TULP4: variants seen among roughly 807,000 people sequenced by gnomAD.
TULP4 encodes the protein tubby-related protein 4.
TULP4 carries 16 observed loss-of-function variants against 129.0 expected under a neutral mutation model. That is an observed-to-expected ratio of 0.12 (90% CI 0.08 to 0.19). The LOEUF (loss-of-function observed/expected upper bound fraction) is 0.19, where lower values mean the gene tolerates loss of function less well. TULP4 is among the 10% of genes least tolerant of loss of function. TULP4 has a pLI of 1.00. For missense variants in TULP4, 1,842 were observed against 2,059.1 expected, an observed-to-expected ratio of 0.89 and a Z score of 2.04; for synonymous variants, 998 against 854.0, an observed-to-expected ratio of 1.17 and a Z score of -2.94.
At chr6:158,248,168 A>G (rs189384738) in intron 1 of TULP4, among the ~76,000 whole-genome samples, 3 of 152,290 alleles carry the variant, frequency 2.0e-5, no homozygotes, top group East Asian at 3.9e-4. Context: ...CTGGCCGTGC[A>G]TGGTGGCTCA....
intron 1 of TULP4, among the ~76,000 whole-genome samples, chr6:158,306,880 T>C (rs1486072257): frequency 6.6e-6 from 1 of 151,998 alleles, no homozygotes; most frequent in African/African-American, 2.4e-5. Flanking sequence ...GTTAACTGGA[T>C]GTGGTGGTGT....
intron 3 of TULP4, among the ~76,000 whole-genome samples, chr6:158,431,635 C>G (rs1477127467): frequency 6.6e-6 from 1 of 152,166 alleles, no homozygotes; most frequent in Non-Finnish European, 1.5e-5. Flanking sequence ...CCAGGAAGGG[C>G]TGGCTGTGAC....
At chr6:158,266,049 A>G (rs1562499403) in intron 1 of TULP4, among the ~76,000 whole-genome samples, 1 of 152,176 alleles carries the variant, frequency 6.6e-6, no homozygotes, top group Non-Finnish European at 1.5e-5. Context: ...AAAAGGGGGA[A>G]AATCACCCCT....
At chr6:158,249,921 G>T (rs1778107152) in intron 1 of TULP4, among the ~76,000 whole-genome samples, 1 of 152,168 alleles carries the variant, frequency 6.6e-6, no homozygotes, top group Non-Finnish European at 1.5e-5. Flanking sequence ...GCATTTTTGT[G>T]CAAGAAATTT....
chr6:158,422,834 G>A (rs1419466901), intron 2 of TULP4, among the ~76,000 whole-genome samples: 7 of 152,222 alleles, frequency 4.6e-5, no homozygotes, highest in Admixed American at 1.3e-4. Flanking sequence ...ATATGCAAAT[G>A]CAGGACGCCA....
Position 158,328,081 on chromosome 6 carries a change from TG to T in TULP4, c.252+13814del, listed in dbSNP as rs1021090622. ...CTGTTGCCAGCATTCTCAGAGCTGG[TG>T]TGTGTGTGTGTGTGTGTGTGTGTGT... On this transcript the variant is annotated intron_variant, in intron 1 of 13. Coordinates refer to ENST00000367097, the MANE Select transcript of TULP4 (RefSeq NM_020245.5). Among the ~76,000 whole-genome samples the T allele has an allele frequency of 5.0e-4, 13 of 26,024 alleles. 1 individual carries two copies. The South Asian group carries it at 0.013, about 27-fold the overall frequency. 17.1% of individuals were successfully genotyped at this position (26,024 alleles called of 152,430 possible). A position where few individuals can be genotyped will look rare whatever the true frequency, so the allele number is the denominator to read the frequency against.
At chr6:158,458,744 AG>A (rs1000617954) in intron 5 of TULP4, among the ~76,000 whole-genome samples, 62 of 152,330 alleles carry the variant, frequency 4.1e-4, no homozygotes, top group African/African-American at 1.3e-3. Flanking sequence ...AAATTGAATG[AG>A]TATTTTCTTT....
At chr6:158,234,496 G>A (rs1777651887) in intron 1 of TULP4, among the ~76,000 whole-genome samples, 1 of 152,212 alleles carries the variant, frequency 6.6e-6, no homozygotes, top group East Asian at 1.9e-4. Context: ...CCATGTGCAT[G>A]GCTAAGCTAG....
intron 1 of TULP4, among the ~76,000 whole-genome samples, chr6:158,375,658 T>C (rs1777166875): frequency 6.6e-6 from 1 of 152,202 alleles, no homozygotes; most frequent in African/African-American, 2.4e-5. Context: ...AGCTTTATCT[T>C]GAGAAGGAGT....
intron 6 of TULP4, among the ~76,000 whole-genome samples, chr6:158,475,980 C>T (rs1054163202): frequency 2.2e-4 from 33 of 152,182 alleles, no homozygotes; most frequent in Admixed American, 1.3e-4. Context: ...AGAAGTCATA[C>T]CCTGCTGCCT....
Position 158,502,451 on chromosome 6 carries a change from A to T in TULP4, c.2788A>T (p.Thr930Ser), listed in dbSNP as rs371114821. 2 of 1,613,034 alleles carry T rather than the reference A, an allele frequency of 1.2e-6. No homozygotes were observed. Among genetic ancestry groups the T allele is most frequent in the Non-Finnish European group, 8.5e-7 (1 of 1,179,750 alleles). Residue 930 changes from threonine (T) to serine (S), a missense_variant, in exon 13 of 14, where the codon ACT becomes TCT. Transcript: ENST00000367097. ...CTCTGCCACCTTGAGGCTCACGGCC[A>T]CTGAGAAGAAGGTCCCTCAGCCCTG... is the stretch of plus-strand genomic sequence containing the variant. ...GSSATLRLTA[T>S]EKKVPQPCSS...
intron 1 of TULP4, among the ~76,000 whole-genome samples, chr6:158,366,066 C>G (rs748786555): frequency 6.6e-6 from 1 of 151,214 alleles, no homozygotes; most frequent in Non-Finnish European, 1.5e-5. Flanking sequence ...CCACACCCGG[C>G]TAATTTTTTT....
upstream of TULP4, among the ~76,000 whole-genome samples, chr6:158,311,248 C>G (rs1371104295): frequency 1.3e-5 from 2 of 152,202 alleles, no homozygotes; most frequent in Non-Finnish European, 2.9e-5. Flanking sequence ...CTTCCCTTCC[C>G]TTTCAGTGTC....
chr6:158,470,160 G>A (rs539646686), intron 6 of TULP4, among the ~76,000 whole-genome samples: 9 of 152,224 alleles, frequency 5.9e-5, no homozygotes, highest in Non-Finnish European at 1.2e-4. Flanking sequence ...GATCGGGAGC[G>A]GCAATGGGCA....
rs34360218 is a variant in TULP4, at chr6:158,449,062, G to A, written c.610G>A (p.Val204Ile). The change falls in exon 4 of 14, where the codon GTC (valine) becomes ATC (isoleucine). Residue 204 changes from valine (V) to isoleucine (I), a missense_variant. Physicochemically the swap from Val to Ile is conservative, Grantham distance 29 (BLOSUM62 3). Coordinates refer to ENST00000367097, the MANE Select transcript of TULP4 (RefSeq NM_020245.5). ...TTGCCACGGCAGAATGCTGGCCCAC[G>A]TCCTCTTGCACGAGTCAGACGGTGT... ...MDCHGRMLAH[V>I]LLHESDGVLG... 1.0e-4 allele frequency: 167 copies of A among 1,613,966 alleles called. No homozygotes were observed. Among genetic ancestry groups the A allele is most frequent in the Non-Finnish European group, 1.3e-4 (151 of 1,179,904 alleles).
intron 3 of TULP4, among the ~76,000 whole-genome samples, chr6:158,441,615 T>A (rs1389214938): frequency 1.3e-5 from 2 of 152,038 alleles, no homozygotes; most frequent in Middle Eastern, 3.4e-3. Context: ...TTAGGAGGGG[T>A]GAGATGTATT....
chr6:158,278,322 C>T (rs1778681972), upstream of TULP4, among the ~76,000 whole-genome samples: 1 of 151,744 alleles, frequency 6.6e-6, no homozygotes, highest in African/African-American at 2.4e-5. Flanking sequence ...TGTATCTTTC[C>T]ATACAATTGT....
chr6:158,428,438 A>G (rs1182598244), intron 2 of TULP4: 3 of 152,236 alleles, frequency 2.0e-5, no homozygotes, highest in Admixed American at 6.5e-5. Context: ...AACTGTGCAT[A>G]TAAAAGACAA....
chr6:158,413,210 G>A lies in TULP4; in HGVS notation c.381+17G>A. On this transcript the variant is annotated intron_variant, in intron 2 of 13. Coordinates refer to ENST00000367097, the MANE Select transcript of TULP4 (RefSeq NM_020245.5). The surrounding 1 kb of genome is among the most constrained non-coding windows in gnomAD (Gnocchi z 4.9). ...GGGGCGCAGGTGAGTGGCAGGCGCAGCTCTGCCAGTGAAGGGCTGCGGGGT... is the reference window on the plus strand; with the variant it reads ...GGGGCGCAGGTGAGTGGCAGGCGCAACTCTGCCAGTGAAGGGCTGCGGGGT... 6.2e-7 allele frequency: 1 copy of A among 1,603,764 alleles called. No homozygotes were observed. The highest frequency in any genetic ancestry group is 1.1e-5 in the South Asian group (1 of 90,234).
Sources: gnomAD v4.1 joint callset for allele counts (sites outside exome capture counted in the v4.1 genomes callset) on GRCh38, gnomAD v4.1.1 for gene constraint, Gnocchi (gnomAD v3.1) non-coding constraint, MANE v1.5 for transcripts, NCBI Gene and HGNC (gene_info 2026-07-23, HGNC 2026-07-21) for gene names.